SEMA4D: variants seen among roughly 807,000 people sequenced by gnomAD.
The protein encoded by SEMA4D is semaphorin-4D.
A neutral mutation model predicts 74.8 loss-of-function variants in SEMA4D; 22 were observed. That is an observed-to-expected ratio of 0.29 (90% CI 0.21 to 0.42). SEMA4D has a LOEUF of 0.42. Ranked by LOEUF, SEMA4D falls within the 10% of genes least tolerant of loss-of-function variation. The pLI, the probability that SEMA4D is intolerant of heterozygous loss-of-function variation, is 1.00. For missense variants in SEMA4D, 937 were observed against 1,118.4 expected, an observed-to-expected ratio of 0.84 and a Z score of 2.31; for synonymous variants, 445 against 463.7, an observed-to-expected ratio of 0.96 and a Z score of 0.52.
At chr9:89,363,064 C>T (rs1168055222) in intron 18 of SEMA4D, among the ~76,000 whole-genome samples, 1 of 152,332 alleles carries the variant, frequency 6.6e-6, no homozygotes, top group East Asian at 1.9e-4. Flanking sequence ...GGAGGGTTCC[C>T]CATCTGTCCA....
chr9:89,454,192 G>A (rs1423680134), intron 2 of SEMA4D, among the ~76,000 whole-genome samples: 1 of 152,210 alleles, frequency 6.6e-6, no homozygotes, highest in Non-Finnish European at 1.5e-5. Context: ...GCAAGACCAG[G>A]AGGGCCAAGG....
intron 4 of SEMA4D, among the ~76,000 whole-genome samples, chr9:89,402,123 G>A (rs2133602651): frequency 6.6e-6 from 1 of 152,360 alleles, no homozygotes; most frequent in South Asian, 2.1e-4. Context: ...TGAGGCAAGA[G>A]GATCACTTGA....
chr9:89,461,702 T>TC (rs1299633604), intron 1 of SEMA4D, among the ~76,000 whole-genome samples: 2,482 of 37,772 alleles, frequency 0.066, 37 homozygotes, highest in Non-Finnish European at 0.1. Flanking sequence ...TTTTTTCTCT[T>TC]TTTTTTTTTT....
chr9:89,433,698 G>C (rs1849770512), intron 2 of SEMA4D, among the ~76,000 whole-genome samples: 1 of 152,220 alleles, frequency 6.6e-6, no homozygotes, highest in South Asian at 2.1e-4. Flanking sequence ...ATACCACCCA[G>C]GGCAGAAGTC....
intron 2 of SEMA4D, among the ~76,000 whole-genome samples, chr9:89,431,198 A>G (rs1849202904): frequency 6.6e-6 from 1 of 152,188 alleles, no homozygotes; most frequent in Admixed American, 6.5e-5. Flanking sequence ...ACACCCAGGG[A>G]ATGGCCTGAC....
exon 19 of SEMA4D, chr9:89,361,980 A>T: frequency 3.8e-6 from 1 of 264,400 alleles, no homozygotes; most frequent in South Asian, 6.4e-5. Context: ...CCTGTTGGCT[A>T]TTAGGGGGTG....
chr9:89,401,429 C>A (rs536751536), intron 4 of SEMA4D, among the ~76,000 whole-genome samples: 7 of 152,228 alleles, frequency 4.6e-5, no homozygotes, highest in Admixed American at 3.9e-4. Context: ...ATAAGCTAGA[C>A]CCTGGAGATG....
chr9:89,429,143 G>T (rs1413700170), intron 2 of SEMA4D, among the ~76,000 whole-genome samples: 8 of 152,186 alleles, frequency 5.3e-5, no homozygotes, highest in Non-Finnish European at 1.0e-4. Context: ...CTGGGCATGG[G>T]CACTGGACAG....
At chr9:89,403,108 G>C (rs1465001446) in intron 3 of SEMA4D, 92 bp from the exon 4 acceptor site, 1 of 1,429,000 alleles carries the variant, frequency 7.0e-7, no homozygotes, top group African/African-American at 1.4e-5. Flanking sequence ...CCCTGTCTCA[G>C]TGACAATGAG....
rs78637572 is a variant in SEMA4D, at chr9:89,422,655, T to C, written c.-243-16956A>G. ...AATATTCCATAATTAAATATCATAA[T>C]GTGGGACATTCCGATCCTTTCCAAC... is the stretch of plus-strand genomic sequence containing the variant. On this transcript the variant is annotated intron_variant, in intron 2 of 15. Transcript: ENST00000422704. 7.2e-3 allele frequency among the ~76,000 whole-genome samples: 1,102 copies of C among 152,350 alleles called. 15 individuals are homozygous for C. Among genetic ancestry groups the C allele is most frequent in the African/African-American group, 0.025 (1,030 of 41,576 alleles).
intron 1 of SEMA4D, among the ~76,000 whole-genome samples, chr9:89,471,010 C>T (rs1860045687): frequency 1.3e-5 from 2 of 152,130 alleles, no homozygotes; most frequent in Non-Finnish European, 2.9e-5. Context: ...CAGAAATGCA[C>T]ACTGAGATAA....
intron 1 of SEMA4D, among the ~76,000 whole-genome samples, chr9:89,489,077 T>C (rs945234864): frequency 2.0e-5 from 3 of 152,228 alleles, no homozygotes; most frequent in African/African-American, 7.2e-5. Flanking sequence ...CACTACCACA[T>C]TTCCACTAGA....
In SEMA4D at chr9:89,498,029, G is replaced by C. The variant is rs1826170976; in HGVS notation, c.-420C>G. The C allele has an allele frequency of 6.8e-6, 1 of 147,716 alleles. No individual in the cohort carries two copies. The highest frequency in any genetic ancestry group is 1.8e-4 in the South Asian group (1 of 5,658). The allele number at this position is 147,716 out of a possible 1,614,324, so 9.2% of individuals were successfully genotyped here. On this transcript the variant is annotated 5_prime_UTR_variant, in exon 1 of 16. Coordinates refer to ENST00000422704, the MANE Select transcript of SEMA4D (RefSeq NM_001371194.2). ...CGGGAGGCGGCCGGGCCGGGGAGGG[G>C]GTGGCGGGGAGGCCCGGCGGCGGCA...
chr9:89,479,396 C>A (rs552905381), intron 1 of SEMA4D, among the ~76,000 whole-genome samples: 6 of 152,344 alleles, frequency 3.9e-5, no homozygotes, highest in Non-Finnish European at 7.4e-5. Context: ...GCTCTGAGTT[C>A]TAACTCAGTG....
chr9:89,457,194 G>A (rs896725216), intron 1 of SEMA4D, among the ~76,000 whole-genome samples: 1 of 152,046 alleles, frequency 6.6e-6, no homozygotes, highest in Non-Finnish European at 1.5e-5. Context: ...CCTGTGATGG[G>A]GTGGAGCAAC....
In SEMA4D at chr9:89,487,143, A is replaced by AAT. The variant is rs899905751; in HGVS notation, c.-310+10774_-310+10775dup. Among the ~76,000 whole-genome samples, 41 of 149,100 alleles carry AAT rather than the reference A, an allele frequency of 2.7e-4. 1 individual carries two copies. The highest frequency in any genetic ancestry group is 1.6e-3 in the East Asian group (8 of 5,140). ...AGCAAATCAAATCCAGCAATATATA[A>AAT]ATATATATATATAATATATAAAACA... On this transcript the variant is annotated intron_variant, in intron 1 of 15. Coordinates refer to ENST00000422704, the MANE Select transcript of SEMA4D (RefSeq NM_001371194.2).
chr9:89,440,193 G>T, intron 2 of SEMA4D, among the ~76,000 whole-genome samples: 1 of 152,132 alleles, frequency 6.6e-6, no homozygotes. Flanking sequence ...CCCTGGAGTG[G>T]TGCTGGCTCC....
intron 9 of SEMA4D, among the ~76,000 whole-genome samples, chr9:89,389,349 A>AC (rs1476860326): frequency 6.6e-6 from 1 of 152,174 alleles, no homozygotes; most frequent in Non-Finnish European, 1.5e-5. Flanking sequence ...CAGTCCTGCA[A>AC]CCGCAGAGGT....
At chr9:89,496,231 T>C (rs560561930) in intron 1 of SEMA4D, among the ~76,000 whole-genome samples, 19 of 152,360 alleles carry the variant, frequency 1.2e-4, no homozygotes, top group African/African-American at 4.3e-4. Flanking sequence ...ACTCTGGGTG[T>C]GCTTCTCAGG....
Sources: allele counts gnomAD v4.1 joint callset (sites outside exome capture counted in the v4.1 genomes callset), GRCh38; gene constraint gnomAD v4.1.1; transcripts MANE v1.5; gene names NCBI Gene and HGNC (gene_info 2026-07-23, HGNC 2026-07-21).